TMEM200C: variants seen among roughly 807,000 people sequenced by gnomAD.
The protein encoded by TMEM200C is transmembrane protein 200C.
For synonymous variants in TMEM200C, 462 were observed against 324.7 expected (o/e 1.42, Z -4.55); for missense variants, 966 against 699.9 (o/e 1.38, Z -4.29).
intron 2 of TMEM200C, among the ~76,000 whole-genome samples, chr18:5,894,076 T>C (rs2095173696): frequency 6.6e-6 from 1 of 152,244 alleles, no homozygotes; most frequent in South Asian, 2.1e-4. Context: ...GGACCAGACA[T>C]TTTTTAGAAG....
chr18:5,891,743 A>T lies in TMEM200C; in HGVS notation c.321T>A (p.Ser107Arg). The stretch of plus-strand genomic sequence containing the variant: ...GGCTCCTGGACCGGTTTTTGCTGCC[A>T]CTGCTACTGCTGTTGGCCGTGGTTG... Residue 107 changes from serine (S) to arginine (R), a missense_variant, in exon 3 of 3, where the codon AGT becomes AGA. By Grantham distance (110) the Ser-to-Arg change is moderately radical. Coordinates refer to ENST00000581347, the Ensembl canonical transcript of TMEM200C. The surrounding 1 kb of genome is among the most constrained non-coding windows in gnomAD (Gnocchi z 4.7). The T allele has an allele frequency of 6.2e-7, 1 of 1,611,514 alleles. No individual in the cohort carries two copies. The highest frequency in any genetic ancestry group is 8.5e-7 in the Non-Finnish European group (1 of 1,179,712).
chr18:5,890,124 GAC>G, exon 3 of TMEM200C: 3 of 1,351,850 alleles, frequency 2.2e-6, no homozygotes, highest in Non-Finnish European at 3.0e-6. Context: ...AAGAAACAGG[GAC>G]CTGTTAATGC....
chr18:5,886,256 T>C (rs560742825), exon 3 of TMEM200C: 1 of 152,272 alleles, frequency 6.6e-6, no homozygotes, highest in East Asian at 1.9e-4. Context: ...CACCTGATCT[T>C]TACTTGAAGC....
chr18:5,883,277 A>G (rs991891568), exon 3 of TMEM200C: 2 of 147,496 alleles, frequency 1.4e-5, no homozygotes, highest in African/African-American at 2.5e-5. Flanking sequence ...AACTAACAAA[A>G]TTATACTTTT....
exon 3 of TMEM200C, chr18:5,890,908 C>T (rs1383822133): frequency 1.5e-6 from 1 of 682,142 alleles, no homozygotes; most frequent in Non-Finnish European, 2.7e-6. Flanking sequence ...TCGCGGCCCC[C>T]TTGCAAGGGC....
exon 3 of TMEM200C, chr18:5,892,139 G>T (rs958182643): frequency 1.1e-4 from 144 of 1,369,136 alleles, no homozygotes; most frequent in Middle Eastern, 5.6e-4. Context: ...CCCACTAGCT[G>T]CTCAGCCACC....
chr18:5,890,359 C>T lies in TMEM200C; in HGVS notation c.1705G>A (p.Gly569Ser), dbSNP rs527776822. Residue 569 changes from glycine (G) to serine (S), a missense_variant, in exon 3 of 3, where the codon GGT (glycine) becomes AGT (serine). Gly to Ser is a moderately conservative substitution (Grantham distance 56, BLOSUM62 0). Coordinates refer to ENST00000581347, the Ensembl canonical transcript of TMEM200C. The stretch of plus-strand genomic sequence containing the variant: ...CCCTCCGGCGAGCTCTGCTCCGCAC[C>T]CAGAACGGGGGCGGCCACAGCAGAG... 3 of 1,596,454 alleles carry T rather than the reference C, an allele frequency of 1.9e-6. No individual in the cohort carries two copies. The Admixed American group carries it at 5.1e-5, about 27-fold the overall frequency.
chr18:5,883,044 T>A (rs1362565918), exon 3 of TMEM200C: 1 of 72,116 alleles, frequency 1.4e-5, no homozygotes, highest in Non-Finnish European at 5.4e-5. Context: ...CATTTCCAAT[T>A]TTTAATCTTC....
At chr18:5,887,913 G>T (rs1463383561) in exon 3 of TMEM200C, 1 of 152,186 alleles carries the variant, frequency 6.6e-6, no homozygotes, top group African/African-American at 2.4e-5. Context: ...CAATGGTTAA[G>T]TTAGATATTA....
rs1389647284 is a variant in TMEM200C at position 5,891,660 on chromosome 18, G to C, written c.404C>G (p.Pro135Arg). 1 of 1,613,818 alleles carries C rather than the reference G, an allele frequency of 6.2e-7. No individual in the cohort carries two copies. The highest frequency in any genetic ancestry group is 1.7e-5 in the Admixed American group (1 of 60,024). ...GGACGGGGAGGCGGCTCGTGCTGGA[G>C]GCGTGCTCCTGGGCGCGCCCGCGGA... is the stretch of plus-strand genomic sequence containing the variant. The change falls in exon 3 of 3, where the codon CCT (proline) becomes CGT (arginine). Residue 135 changes from proline (P) to arginine (R), a missense_variant. By Grantham distance (103) the Pro-to-Arg change is moderately radical. Coordinates refer to ENST00000581347, the Ensembl canonical transcript of TMEM200C. This position sits in a 1 kb window ranked among gnomAD's most constrained non-coding sequence, Gnocchi z 4.7.
At position 5,890,924 on chromosome 18, in the gene TMEM200C, C is replaced by G. The variant is rs1312798469; in HGVS notation, c.1140G>C (p.Ala380=). ...CGCGGCCCCCTTGCAAGGGCAGCAG[C>G]GCGAAGGCGCTCAGCGAGGAGTCCA... The change falls in exon 3 of 3, where the codon GCG becomes GCC. Residue 380 remains alanine (A), a synonymous_variant. Transcript: ENST00000581347. 11 of 677,448 alleles carry G rather than the reference C, an allele frequency of 1.6e-5. No individual in the cohort carries two copies. The East Asian group carries it at 3.2e-4, about 20-fold the overall frequency. 42.0% of individuals were successfully genotyped at this position (677,448 alleles called of 1,614,324 possible).
chr18:5,890,401 C>T (rs1238769832), exon 3 of TMEM200C: 1 of 1,580,234 alleles, frequency 6.3e-7, no homozygotes, highest in Admixed American at 1.7e-5. Context: ...GTTTGACCAG[C>T]TACTGCGTCC....
At chr18:5,892,099 T>TG in exon 3 of TMEM200C, 3 of 1,581,204 alleles carry the variant, frequency 1.9e-6, no homozygotes, top group Middle Eastern at 1.7e-4. Flanking sequence ...GCCTCTGGGA[T>TG]GGAGGCTTGC....
Position 5,891,794 on chromosome 18 carries a change from C to T in TMEM200C, c.270G>A (p.Pro90=). 1.2e-6 allele frequency: 2 copies of T among 1,605,404 alleles called. No individual in the cohort carries two copies. Among genetic ancestry groups the T allele is most frequent in the Non-Finnish European group, 8.5e-7 (1 of 1,177,302 alleles). The stretch of plus-strand genomic sequence containing the variant: ...GGACCCGGTGGCTGCTGCCCGCAGG[C>T]GGCAGCTGCTTACCCCCCTCCCGAT... The change falls in exon 3 of 3, where the codon CCG becomes CCA. Residue 90 remains proline (P), a synonymous_variant. Transcript: ENST00000581347. This position sits in a 1 kb window ranked among gnomAD's most constrained non-coding sequence, Gnocchi z 4.7.
chr18:5,885,978 A>T (rs1380153541), exon 3 of TMEM200C: 6 of 152,184 alleles, frequency 3.9e-5, no homozygotes, highest in African/African-American at 1.4e-4. Context: ...GTTATAAGTA[A>T]GAAAAATATC....
chr18:5,882,784 A>T (rs1203411571), exon 3 of TMEM200C: 5 of 152,148 alleles, frequency 3.3e-5, no homozygotes, highest in Non-Finnish European at 7.4e-5. Context: ...AAATCAAGAG[A>T]TGTTCTCAGG....
exon 3 of TMEM200C, chr18:5,882,265 G>A (rs1181597892): frequency 6.6e-6 from 1 of 151,450 alleles, no homozygotes; most frequent in Admixed American, 6.6e-5. Flanking sequence ...CTATAATTTG[G>A]TACTTCCATT....
Position 5,891,448 on chromosome 18 carries a change from T to C in TMEM200C, c.616A>G (p.Thr206Ala). Reference sequence around the variant, plus strand: ...CGGAGGCTGTGCACGTCGATGACGGTGGAGTAGAGGTCCCGCAGGTTGATG... The same window carrying C: ...CGGAGGCTGTGCACGTCGATGACGGCGGAGTAGAGGTCCCGCAGGTTGATG... Residue 206 changes from threonine to alanine, a missense_variant, in exon 3 of 3, where the codon ACC becomes GCC. By Grantham distance (58) the Thr-to-Ala change is moderately conservative. Coordinates refer to ENST00000581347, the Ensembl canonical transcript of TMEM200C. This position sits in a 1 kb window ranked among gnomAD's most constrained non-coding sequence, Gnocchi z 4.7. 1.3e-6 allele frequency: 2 copies of C among 1,533,018 alleles called. No homozygotes were observed. The highest frequency in any genetic ancestry group is 2.4e-5 in the South Asian group (2 of 84,114). 95.0% of individuals were successfully genotyped at this position (1,533,018 alleles called of 1,614,324 possible). A position where few individuals can be genotyped will look rare whatever the true frequency, so the allele number is the denominator to read the frequency against.
At chr18:5,893,369 C>T (rs2095173061) in intron 2 of TMEM200C, among the ~76,000 whole-genome samples, 1 of 150,454 alleles carries the variant, frequency 6.6e-6, no homozygotes, top group Non-Finnish European at 1.5e-5. Context: ...CAATGGACTA[C>T]TCTTAGGAAG....
Sources: allele counts gnomAD v4.1 joint callset (sites outside exome capture counted in the v4.1 genomes callset), GRCh38; gene constraint gnomAD v4.1.1; non-coding constraint Gnocchi (gnomAD v3.1); transcripts MANE v1.5; gene names NCBI Gene and HGNC (gene_info 2026-07-23, HGNC 2026-07-21).